The following ARHGEF38 variants were observed in gnomAD, a reference collection of about 807,000 sequenced individuals.
ARHGEF38 encodes the protein Rho guanine nucleotide exchange factor 38.
ARHGEF38 carries 79 observed loss-of-function variants against 79.9 expected under a neutral mutation model. That is an observed-to-expected ratio of 0.99 (90% CI 0.82 to 1.19). The LOEUF (loss-of-function observed/expected upper bound fraction) is 1.19. ARHGEF38 is among the 50% of genes most tolerant of loss of function. The probability of loss-of-function intolerance (pLI) is 0.00; values close to 1 mark genes in which losing one functional copy is unlikely to be tolerated. For synonymous variants in ARHGEF38, 366 were observed against 328.3 expected (o/e 1.11, Z -1.24); for missense variants, 962 against 907.2 (o/e 1.06, Z -0.78).
At chr4:105,631,252 C>A in intron 4 of ARHGEF38, 1 of 1,239,696 alleles carries the variant, frequency 8.1e-7, no homozygotes. Flanking sequence ...CTAAAAATAA[C>A]ATGGAAGAAG....
chr4:105,587,627 T>C (rs1727121106), intron 1 of ARHGEF38, among the ~76,000 whole-genome samples: 1 of 152,004 alleles, frequency 6.6e-6, no homozygotes, highest in Non-Finnish European at 1.5e-5. Flanking sequence ...CGCCCGGCTC[T>C]TTTGTTGTAT....
At chr4:105,633,338 A>G (rs892349878) in intron 4 of ARHGEF38, among the ~76,000 whole-genome samples, 2 of 152,228 alleles carry the variant, frequency 1.3e-5, no homozygotes, top group African/African-American at 4.8e-5. Flanking sequence ...TGACATTACT[A>G]TAATACTGAC....
intron 7 of ARHGEF38, among the ~76,000 whole-genome samples, chr4:105,649,508 A>G (rs1199737843): frequency 1.3e-5 from 2 of 152,246 alleles, no homozygotes; most frequent in African/African-American, 2.4e-5. Context: ...TAGAAAGTTC[A>G]TGGTCCTGAG....
chr4:105,570,711 C>T (rs772724833), intron 1 of ARHGEF38, among the ~76,000 whole-genome samples: 19 of 152,226 alleles, frequency 1.2e-4, no homozygotes, highest in East Asian at 5.8e-4. Flanking sequence ...TCCCATGACA[C>T]GTAGGGATTA....
chr4:105,618,892 T>G (rs1728624233), intron 3 of ARHGEF38, among the ~76,000 whole-genome samples: 1 of 152,200 alleles, frequency 6.6e-6, no homozygotes, highest in African/African-American at 2.4e-5. Flanking sequence ...CAATCGTATT[T>G]TGATATGTAA....
At chr4:105,561,630 C>A (rs749049710) in intron 1 of ARHGEF38, 1 of 152,020 alleles carries the variant, frequency 6.6e-6, no homozygotes, top group Non-Finnish European at 1.5e-5. Flanking sequence ...CCTGACCATC[C>A]GACCTAAAGT....
chr4:105,565,156 G>A (rs948311001), intron 1 of ARHGEF38, among the ~76,000 whole-genome samples: 1 of 152,120 alleles, frequency 6.6e-6, no homozygotes, highest in African/African-American at 2.4e-5. Context: ...GCAGTCAGAG[G>A]AAATAAATCA....
rs189391220 is a variant in ARHGEF38, at chr4:105,660,407, T to A, written c.1545+1042T>A. ...ACAATATATTCTGAGAATGCATCTA[T>A]AATAGTACATAAAGAGCTTCCTCAT... On this transcript the variant is annotated intron_variant, in intron 10 of 13. Coordinates refer to ENST00000420470, the MANE Select transcript of ARHGEF38 (RefSeq NM_001242729.2). Among the ~76,000 whole-genome samples the A allele has an allele frequency of 1.3e-3, 193 of 152,068 alleles. 1 individual carries two copies. Among genetic ancestry groups the A allele is most frequent in the Admixed American group, 6.9e-3 (105 of 15,246 alleles).
intron 9 of ARHGEF38, among the ~76,000 whole-genome samples, chr4:105,657,369 C>T (rs1730377050): frequency 6.6e-6 from 1 of 152,048 alleles, no homozygotes; most frequent in Non-Finnish European, 1.5e-5. Context: ...TGTGAGAAGG[C>T]TCAATATAAA....
intron 1 of ARHGEF38, 65 bp from the exon 2 acceptor site, chr4:105,589,183 G>A: frequency 7.3e-7 from 1 of 1,375,886 alleles, no homozygotes; most frequent in Non-Finnish European, 9.9e-7. Flanking sequence ...CGAAGGCGTT[G>A]TTTGTAATGA....
chr4:105,664,791 T>C (rs1425105231), intron 10 of ARHGEF38, among the ~76,000 whole-genome samples: 1 of 152,176 alleles, frequency 6.6e-6, no homozygotes, highest in Non-Finnish European at 1.5e-5. Context: ...GAGGGAGCAG[T>C]CATAGCAATG....
At chr4:105,606,203 A>C (rs1274851910) in intron 2 of ARHGEF38, among the ~76,000 whole-genome samples, 1 of 152,080 alleles carries the variant, frequency 6.6e-6, no homozygotes, top group Admixed American at 6.6e-5. Context: ...TTGGGGCCCT[A>C]TTTGAACCTG....
intron 5 of ARHGEF38, among the ~76,000 whole-genome samples, 152 bp from the exon 6 acceptor site, chr4:105,645,036 C>T (rs1578341985): frequency 6.6e-6 from 1 of 152,030 alleles, no homozygotes; most frequent in Admixed American, 6.5e-5. Flanking sequence ...TTCTTTCTGT[C>T]GTCTTTTGCT....
intron 1 of ARHGEF38, among the ~76,000 whole-genome samples, chr4:105,557,784 T>G (rs1725321381): frequency 6.6e-6 from 1 of 152,044 alleles, no homozygotes; most frequent in Admixed American, 6.6e-5. Flanking sequence ...AAATAAATTT[T>G]TGGTAAACTT....
At chr4:105,633,608 G>A (rs528006328) in intron 4 of ARHGEF38, among the ~76,000 whole-genome samples, 58 of 152,286 alleles carry the variant, frequency 3.8e-4, no homozygotes, top group Middle Eastern at 3.4e-3. Flanking sequence ...CAATATCCAC[G>A]AGAGAGGTGG....
chr4:105,661,370 C>G (rs1011793976), intron 10 of ARHGEF38, among the ~76,000 whole-genome samples: 1 of 151,774 alleles, frequency 6.6e-6, no homozygotes, highest in African/African-American at 2.4e-5. Flanking sequence ...TATGTTAACT[C>G]TATGTTTAAC....
At chr4:105,638,672 C>A (rs1729496731) in intron 5 of ARHGEF38, among the ~76,000 whole-genome samples, 1 of 152,092 alleles carries the variant, frequency 6.6e-6, no homozygotes, top group South Asian at 2.1e-4. Flanking sequence ...CTTTTTTCTT[C>A]ACACACATAC....
chr4:105,599,063 T>C (rs1432896313), intron 2 of ARHGEF38, among the ~76,000 whole-genome samples: 2 of 152,180 alleles, frequency 1.3e-5, no homozygotes, highest in Non-Finnish European at 2.9e-5. Context: ...CATAGTTTGC[T>C]GTCATATTGG....
At position 105,679,336 on chromosome 4, in the gene ARHGEF38, C is replaced by T. The variant is rs1277266668; in HGVS notation, c.*1399C>T. On this transcript the variant is annotated 3_prime_UTR_variant, in exon 14 of 14. Coordinates refer to ENST00000420470, the MANE Select transcript of ARHGEF38 (RefSeq NM_001242729.2). ...ACCTTTGACTCAATTGGAGGAATATCAAAGCAAACACCCATATTTCCTTTC... is the reference window on the plus strand; with the variant it reads ...ACCTTTGACTCAATTGGAGGAATATTAAAGCAAACACCCATATTTCCTTTC... The T allele has an allele frequency of 3.1e-6, 3 of 962,112 alleles. No homozygotes were observed. Among genetic ancestry groups the T allele is most frequent in the Non-Finnish European group, 5.0e-6 (3 of 599,412 alleles). The allele number at this position is 962,112 out of a possible 1,614,324, so 59.6% of individuals were successfully genotyped here.
Sources: allele counts gnomAD v4.1 joint callset (sites outside exome capture counted in the v4.1 genomes callset), GRCh38; gene constraint gnomAD v4.1.1; transcripts MANE v1.5; gene names NCBI Gene and HGNC (gene_info 2026-07-23, HGNC 2026-07-21).